ACSF3: variants seen among roughly 807,000 people sequenced by gnomAD.
ACSF3 encodes malonate--CoA ligase ACSF3, mitochondrial.
Under a neutral mutation model 53.2 loss-of-function variants are expected in ACSF3, and 78 were observed. The observed-to-expected ratio is 1.47, with a 90% CI of 1.22 to 1.77. The LOEUF (loss-of-function observed/expected upper bound fraction) is 1.77, where lower values mean the gene tolerates loss of function less well. Among genes scored for constraint, ACSF3 ranks in the 40% most tolerant of loss-of-function variants. The probability of loss-of-function intolerance (pLI) is 0.00; values close to 1 mark genes in which losing one functional copy is unlikely to be tolerated. For missense variants in ACSF3, 937 were observed against 771.1 expected (o/e 1.22, Z -2.55); for synonymous variants, 414 against 333.1 (o/e 1.24, Z -2.65).
rs1043044894 is a variant in ACSF3 at position 89,155,030 on chromosome 16, C to G, written c.*823C>G. 6.6e-6 allele frequency: 3 copies of G among 453,980 alleles called. No homozygotes were observed. Among genetic ancestry groups the G allele is most frequent in the Non-Finnish European group, 1.3e-5 (3 of 226,798 alleles). The allele number at this position is 453,980 out of a possible 1,614,324, so 28.1% of individuals were successfully genotyped here. A position where few individuals can be genotyped will look rare whatever the true frequency, so the allele number is the denominator to read the frequency against. The stretch of plus-strand genomic sequence containing the variant: ...TCATGTCTGTGGCTCACCAGCTTTT[C>G]CCCAGACCCAGCTCCGGAGCCCACA... On this transcript the variant is annotated 3_prime_UTR_variant, in exon 11 of 11. Transcript: ENST00000614302.
At chr16:89,133,463 G>T (rs933773826) in intron 8 of ACSF3, among the ~76,000 whole-genome samples, 2 of 152,202 alleles carry the variant, frequency 1.3e-5, no homozygotes, top group Non-Finnish European at 2.9e-5. Flanking sequence ...TCTAGAGTGG[G>T]CTCCTTGGCC....
chr16:89,097,879 C>T (rs933400870), intron 1 of ACSF3, among the ~76,000 whole-genome samples: 1 of 152,166 alleles, frequency 6.6e-6, no homozygotes, highest in Non-Finnish European at 1.5e-5. Context: ...CCAAGCAGCC[C>T]GCGGAGCTGT....
intron 10 of ACSF3, 69 bp downstream of exon 10, chr16:89,146,118 A>G: frequency 1.8e-6 from 2 of 1,129,650 alleles, no homozygotes; most frequent in Middle Eastern, 2.4e-4. Context: ...GGGCCACCCT[A>G]GGTATTGGCA....
intron 1 of ACSF3, 79 bp from the exon 2 acceptor site, chr16:89,098,512 C>T (rs1974887874): frequency 2.7e-6 from 1 of 376,960 alleles, no homozygotes; most frequent in South Asian, 1.9e-5. Flanking sequence ...TTCCCTTCCC[C>T]CATTGAGTGT....
chr16:89,151,705 C>CA (rs1221989210), intron 10 of ACSF3: 2 of 161,600 alleles, frequency 1.2e-5, no homozygotes, highest in Admixed American at 6.1e-5. Context: ...CTCCCAGGTT[C>CA]AAGTGATTCT....
chr16:89,119,276 T>G (rs1906021229), intron 6 of ACSF3, among the ~76,000 whole-genome samples: 1 of 151,930 alleles, frequency 6.6e-6, no homozygotes, highest in Non-Finnish European at 1.5e-5. Context: ...AGCCGTGCCG[T>G]GTCCTTGCGC....
chr16:89,109,246 A>G (rs888278269), intron 4 of ACSF3, among the ~76,000 whole-genome samples: 143 of 102,512 alleles, frequency 1.4e-3, no homozygotes, highest in African/African-American at 2.9e-3. Flanking sequence ...AAAAAAAAAA[A>G]AAAAGAAAAG....
chr16:89,126,437 T>G (rs1415115839), intron 7 of ACSF3, among the ~76,000 whole-genome samples: 1 of 152,126 alleles, frequency 6.6e-6, no homozygotes, highest in East Asian at 1.9e-4. Context: ...CCTGGCTGAT[T>G]GTTGTATTTT....
intron 7 of ACSF3, among the ~76,000 whole-genome samples, chr16:89,131,459 G>A (rs974466316): frequency 1.3e-5 from 2 of 152,030 alleles, no homozygotes; most frequent in Admixed American, 6.6e-5. Context: ...TCCAATAACT[G>A]TGTTGTCTCA....
In ACSF3 at chr16:89,154,750, T is replaced by G. The variant is rs796106374; in HGVS notation, c.*543T>G. On this transcript the variant is annotated 3_prime_UTR_variant, in exon 11 of 11. Transcript: ENST00000614302. ...GCCCTGTCCCATGGGTTCCGTGCATTTCCTGGTGCTGCTCTTGGAGGAGAG... is the reference window on the plus strand; with the variant it reads ...GCCCTGTCCCATGGGTTCCGTGCATGTCCTGGTGCTGCTCTTGGAGGAGAG... 1.3e-5 allele frequency: 6 copies of G among 454,072 alleles called. No individual in the cohort carries two copies. The highest frequency in any genetic ancestry group is 1.2e-4 in the African/African-American group (6 of 50,104). The allele number at this position is 454,072 out of a possible 1,614,324, so 28.1% of individuals were successfully genotyped here. A position where few individuals can be genotyped will look rare whatever the true frequency, so the allele number is the denominator to read the frequency against.
intron 7 of ACSF3, among the ~76,000 whole-genome samples, chr16:89,128,810 G>C (rs1405291793): frequency 6.6e-6 from 1 of 152,024 alleles, no homozygotes; most frequent in Admixed American, 6.6e-5. Flanking sequence ...TTTCTTTTCA[G>C]GAATGTTCTG....
intron 10 of ACSF3, chr16:89,147,612 A>T (rs924660539): frequency 1.3e-5 from 2 of 149,134 alleles, no homozygotes; most frequent in African/African-American, 5.0e-5. Context: ...ACTCTCAAAC[A>T]TGCAGGTCTT....
chr16:89,097,496 C>T (rs538451161), intron 1 of ACSF3, among the ~76,000 whole-genome samples: 1 of 152,380 alleles, frequency 6.6e-6, no homozygotes, highest in African/African-American at 2.4e-5. Flanking sequence ...TAACCCAGAG[C>T]ACCCAGTGCC....
intron 3 of ACSF3, among the ~76,000 whole-genome samples, 168 bp downstream of exon 3, chr16:89,101,515 C>T (rs915039083): frequency 6.6e-6 from 1 of 152,220 alleles, no homozygotes; most frequent in East Asian, 1.9e-4. Flanking sequence ...GGGGTGTGGC[C>T]GCTGGCCTCA....
intron 1 of ACSF3, among the ~76,000 whole-genome samples, chr16:89,096,389 C>G (rs374542756): frequency 1.3e-5 from 2 of 152,116 alleles, no homozygotes; most frequent in Non-Finnish European, 2.9e-5. Context: ...TGCCTCTGGA[C>G]CGGGAGGTGT....
At chr16:89,147,181 GGAGGGAGGGTCCACAGAGT>G (rs560890042) in intron 10 of ACSF3, among the ~76,000 whole-genome samples, 14,677 of 91,184 alleles carry the variant, frequency 0.16, 1,408 homozygotes, top group Non-Finnish European at 0.21. Context: ...GTCCACAGAG[GGAGGGAGGGTCCACAGAGT>G]GAGTGAGAGA....
At chr16:89,102,266 A>G (rs990540566) in intron 3 of ACSF3, 6 of 393,276 alleles carry the variant, frequency 1.5e-5, no homozygotes, top group South Asian at 1.3e-4. Context: ...TCCAGCCTGA[A>G]TGGCGCTGGG....
At chr16:89,116,591 TC>T (rs924136094) in intron 6 of ACSF3, among the ~76,000 whole-genome samples, 16 of 152,092 alleles carry the variant, frequency 1.1e-4, no homozygotes, top group African/African-American at 3.6e-4. Context: ...GGCAGCGAGA[TC>T]CTCAGCTGCC....
At chr16:89,137,278 GCC>G (rs1242235259) in intron 8 of ACSF3, among the ~76,000 whole-genome samples, 2 of 151,506 alleles carry the variant, frequency 1.3e-5, no homozygotes, top group African/African-American at 4.8e-5. Context: ...GAGGGGAAGA[GCC>G]CCAGGTCTCG....
Sources: allele counts gnomAD v4.1 joint callset (sites outside exome capture counted in the v4.1 genomes callset), GRCh38; gene constraint gnomAD v4.1.1; transcripts MANE v1.5; gene names NCBI Gene and HGNC (gene_info 2026-07-23, HGNC 2026-07-21).